LETMD1: variants seen among roughly 807,000 people sequenced by gnomAD.
The protein encoded by LETMD1 is LETM1 domain-containing protein 1.
LETMD1 carries 30 observed loss-of-function variants against 43.9 expected under a neutral mutation model. That is an observed-to-expected ratio of 0.68 (90% CI 0.51 to 0.93). The LOEUF (loss-of-function observed/expected upper bound fraction) is 0.93, where lower values mean the gene tolerates loss of function less well. Among genes scored for constraint, LETMD1 ranks in the 40% least tolerant of loss-of-function variants. The pLI, the probability that LETMD1 is intolerant of heterozygous loss-of-function variation, is 0.00. For synonymous variants in LETMD1, 176 were observed against 163.1 expected (o/e 1.08, Z -0.60); for missense variants, 413 against 447.7 (o/e 0.92, Z 0.70).
At chr12:51,052,998 G>A (rs551713798) in intron 3 of LETMD1, among the ~76,000 whole-genome samples, 3 of 151,624 alleles carry the variant, frequency 2.0e-5, no homozygotes, top group Non-Finnish European at 4.4e-5. Context: ...CCTAGTCCCA[G>A]CTACTCGGGA....
chr12:51,051,770 G>C (rs971492365), intron 2 of LETMD1, among the ~76,000 whole-genome samples: 4 of 152,156 alleles, frequency 2.6e-5, no homozygotes, highest in African/African-American at 9.6e-5. Context: ...GGAATACATA[G>C]GGTTAATTTA....
downstream of LETMD1, chr12:51,063,838 T>G: frequency 1.5e-5 from 24 of 1,613,848 alleles, no homozygotes; most frequent in Non-Finnish European, 2.0e-5. Context: ...CCCTCTTCAT[T>G]GTCCGTGCGG....
chr12:51,048,464 T>C lies in LETMD1; in HGVS notation c.108T>C (p.Ala36=), dbSNP rs779024960. 2 of 1,613,774 alleles carry C rather than the reference T, an allele frequency of 1.2e-6. No homozygotes were observed. The highest frequency in any genetic ancestry group is 1.7e-6 in the Non-Finnish European group (2 of 1,179,992). Residue 36 remains alanine, a synonymous_variant, in exon 1 of 9, where the codon GCT becomes GCC. Coordinates refer to ENST00000262055, the MANE Select transcript of LETMD1 (RefSeq NM_015416.5). The part of the protein sequence containing the change: ...RRLQLGRSGL[A]WGAPRSSKLH... ...TGCAACTTGGTCGCTCTGGCCTGGC[T>C]TGGGGGGCCCCTCGGTGAGGGACCT...
the LETMD1 span, among the ~76,000 whole-genome samples, chr12:51,065,518 T>C: frequency 1.3e-4 from 20 of 152,138 alleles, no homozygotes; most frequent in African/African-American, 4.3e-4. Flanking sequence ...CCTTTGGAGA[T>C]AGGGTCTTGC....
At chr12:51,067,718 A>G in the LETMD1 span, 4 of 1,614,188 alleles carry the variant, frequency 2.5e-6, no homozygotes, top group Non-Finnish European at 3.4e-6. The surrounding 1 kb of genome is among the most constrained non-coding windows in gnomAD (Gnocchi z 4.1). Flanking sequence ...CTTCTGGGTC[A>G]CAATACAGTC....
intron 4 of LETMD1, 174 bp from the exon 5 acceptor site, chr12:51,055,661 C>T (rs1947426723): frequency 1.4e-5 from 5 of 347,032 alleles, no homozygotes; most frequent in Non-Finnish European, 2.5e-5. Context: ...GGGACCCTGT[C>T]TCTTAAAAAA....
chr12:51,064,995 A>G (rs761570359), downstream of LETMD1, among the ~76,000 whole-genome samples: 1 of 152,164 alleles, frequency 6.6e-6, no homozygotes, highest in Non-Finnish European at 1.5e-5. Context: ...GAGTCCAGAG[A>G]TACTTCTCTG....
intron 1 of LETMD1, 133 bp downstream of exon 1, chr12:51,048,611 A>G: frequency 8.5e-7 from 1 of 1,183,058 alleles, no homozygotes; most frequent in Non-Finnish European, 1.2e-6. Context: ...TCTGTTCAGG[A>G]TTCAAACTCC....
intron 4 of LETMD1, 108 bp downstream of exon 4, chr12:51,053,968 A>G (rs931724446): frequency 2.6e-6 from 2 of 767,180 alleles, no homozygotes; most frequent in Non-Finnish European, 4.3e-6. Context: ...GAGGTTATCA[A>G]ACTTCTGCTC....
In LETMD1 at chr12:51,058,246, T is replaced by G. The variant is rs1420533127; in HGVS notation, c.1012+118T>G. On this transcript the variant is annotated intron_variant, in intron 8 of 8. Transcript: ENST00000262055. ...GAGACATATATATACATACATCTAA[T>G]TGAAAGGGCACAAACTCACATGCCT... The G allele has an allele frequency of 4.3e-6, 3 of 691,398 alleles. No individual in the cohort carries two copies. The African/African-American group carries it at 5.3e-5, about 12-fold the overall frequency. The allele number at this position is 691,398 out of a possible 1,614,324, so 42.8% of individuals were successfully genotyped here. A position where few individuals can be genotyped will look rare whatever the true frequency, so the allele number is the denominator to read the frequency against.
At chr12:51,057,819 G>T in intron 7 of LETMD1, 1 of 558,746 alleles carries the variant, frequency 1.8e-6, no homozygotes, top group Non-Finnish European at 3.3e-6. Flanking sequence ...TAGAGATGGT[G>T]TTTCACCATA....
At chr12:51,053,711 G>C in intron 3 of LETMD1, 67 bp from the exon 4 acceptor site, 1 of 1,053,022 alleles carries the variant, frequency 9.5e-7, no homozygotes, top group Non-Finnish European at 1.5e-6. Flanking sequence ...CAGTGGGGTG[G>C]ATGGATTGTC....
intron 3 of LETMD1, among the ~76,000 whole-genome samples, chr12:51,052,520 C>T (rs894243456): frequency 2.0e-5 from 3 of 152,098 alleles, no homozygotes; most frequent in African/African-American, 7.2e-5. Flanking sequence ...CGGTGGCTCA[C>T]GCCTGTAATC....
chr12:51,067,569 A>G, the LETMD1 span: 1 of 1,123,106 alleles, frequency 8.9e-7, no homozygotes, highest in Non-Finnish European at 1.3e-6. This position sits in a 1 kb window ranked among gnomAD's most constrained non-coding sequence, Gnocchi z 4.1. Context: ...GTTCACAACC[A>G]TAGGGAATCC....
At chr12:51,065,858 C>T in the LETMD1 span, among the ~76,000 whole-genome samples, 1 of 152,158 alleles carries the variant, frequency 6.6e-6, no homozygotes, top group Non-Finnish European at 1.5e-5. Context: ...AGATATACCA[C>T]AGTTATTTGT....
chr12:51,065,008 T>G (rs1039857621), downstream of LETMD1, among the ~76,000 whole-genome samples: 4 of 152,208 alleles, frequency 2.6e-5, no homozygotes, highest in Non-Finnish European at 1.5e-5. Flanking sequence ...CTTCTCTGAA[T>G]GCTGATAGTT....
chr12:51,061,025 T>C (rs1948812385), downstream of LETMD1, among the ~76,000 whole-genome samples: 1 of 151,848 alleles, frequency 6.6e-6, no homozygotes, highest in Non-Finnish European at 1.5e-5. Flanking sequence ...CAAGGGCATA[T>C]GAACCAAGTC....
rs1291510246 is a variant in LETMD1, at chr12:51,049,226, T to A, written c.274+41T>A. 1.9e-6 allele frequency: 3 copies of A among 1,573,152 alleles called. No homozygotes were observed. In the East Asian group the frequency reaches 6.7e-5, roughly 35 times the overall value. On this transcript the variant is annotated intron_variant, in intron 2 of 8. Coordinates refer to ENST00000262055, the MANE Select transcript of LETMD1 (RefSeq NM_015416.5). ...CAATAGAAATTCCGGAATCAGCTCT[T>A]GGGCAGGGTCAAAGAGTTAGCATAA...
chr12:51,059,346 A>G lies in LETMD1; in HGVS notation c.1013-15A>G. ...GCAGTGTTCCCAAGCCAAACCACTA[A>G]CACTGTGTTTTCAGAAGCTGAGCTG... is the stretch of plus-strand genomic sequence containing the variant. On this transcript the variant is annotated splice_polypyrimidine_tract_variant and intron_variant, in intron 8 of 8. Transcript: ENST00000262055. The G allele has an allele frequency of 6.2e-6, 10 of 1,613,738 alleles. No individual in the cohort carries two copies. The highest frequency in any genetic ancestry group is 1.7e-5 in the Admixed American group (1 of 60,028).
Sources: allele counts gnomAD v4.1 joint callset (sites outside exome capture counted in the v4.1 genomes callset), GRCh38; gene constraint gnomAD v4.1.1; non-coding constraint Gnocchi (gnomAD v3.1); transcripts MANE v1.5; gene names NCBI Gene and HGNC (gene_info 2026-07-23, HGNC 2026-07-21).